F5: variants seen among roughly 807,000 people sequenced by gnomAD.
F5 encodes the protein activated protein c cofactor.
F5 carries 138 observed loss-of-function variants against 216.4 expected under a neutral mutation model. The ratio of observed to expected loss-of-function variants is 0.64; its 90% CI spans 0.56 to 0.73. The LOEUF is 0.73. Ranked by LOEUF, F5 falls within the 30% of genes least tolerant of loss-of-function variation. F5 has a pLI of 0.00. For missense variants in F5, 2,403 were observed against 2,674.0 expected (o/e 0.90, Z 2.24); for synonymous variants, 916 against 930.7 (o/e 0.98, Z 0.29).
chr1:169,578,183 C>A (rs933933125), intron 2 of F5, among the ~76,000 whole-genome samples: 4 of 152,144 alleles, frequency 2.6e-5, no homozygotes, highest in African/African-American at 9.7e-5. Context: ...CATAGTTAAG[C>A]AACTTTGGAC....
At chr1:169,570,552 A>T (rs542252741) in intron 3 of F5, among the ~76,000 whole-genome samples, 120 of 152,222 alleles carry the variant, frequency 7.9e-4, no homozygotes, top group African/African-American at 2.7e-3. Context: ...GCCACAGTTA[A>T]TGCTTCATTG....
chr1:169,568,706 G>A (rs921624660), intron 3 of F5, among the ~76,000 whole-genome samples: 1 of 152,026 alleles, frequency 6.6e-6, no homozygotes, highest in South Asian at 2.1e-4. Flanking sequence ...CTGCTCAGTC[G>A]ATAGTCAGCT....
intron 4 of F5, among the ~76,000 whole-genome samples, chr1:169,559,691 G>A (rs566248554): frequency 6.6e-6 from 1 of 152,234 alleles, no homozygotes; most frequent in Non-Finnish European, 1.5e-5. Flanking sequence ...ATGAAAGGGG[G>A]CATTAGATAA....
chr1:169,578,837 C>G (rs1307029571), intron 2 of F5, among the ~76,000 whole-genome samples: 1 of 152,142 alleles, frequency 6.6e-6, no homozygotes, highest in Non-Finnish European at 1.5e-5. Flanking sequence ...GCCATTCTAC[C>G]TAAGGCCAAG....
intron 17 of F5, among the ~76,000 whole-genome samples, chr1:169,526,500 C>T (rs1052799889): frequency 2.0e-5 from 3 of 152,088 alleles, no homozygotes; most frequent in African/African-American, 7.2e-5. Context: ...ATAAATTGCT[C>T]AGAAAAAACA....
intron 10 of F5, among the ~76,000 whole-genome samples, chr1:169,548,385 C>G (rs547128479): frequency 1.3e-4 from 19 of 151,930 alleles, no homozygotes; most frequent in East Asian, 3.9e-4. Context: ...GTGCTGTATT[C>G]AGTCATTAAC....
chr1:169,536,735 T>G (rs899161949), intron 13 of F5, 55 bp from the exon 14 acceptor site: 42 of 1,441,968 alleles, frequency 2.9e-5, no homozygotes, highest in African/African-American at 5.6e-5. Flanking sequence ...GTTCCCAGAA[T>G]TTAGGAAATT....
chr1:169,559,310 GAC>G lies in F5; in HGVS notation c.587-16_587-15del, dbSNP rs769198268. ...CAGTTAGGGTCCCTATGAAAGGAAA[GAC>G]ATGTTTTCAGTAGCACTGCAGATAG... On this transcript the variant is annotated splice_polypyrimidine_tract_variant and intron_variant, in intron 4 of 24. Coordinates refer to ENST00000367797, the MANE Select transcript of F5 (RefSeq NM_000130.5). The G allele has an allele frequency of 6.2e-6, 10 of 1,613,208 alleles. No individual in the cohort carries two copies. The African/African-American group carries it at 1.2e-4, about 19-fold the overall frequency.
At position 169,527,896 on chromosome 1, in the gene F5, C is replaced by T. The variant is rs1424342254; in HGVS notation, c.5599+19G>A. The stretch of plus-strand genomic sequence containing the variant: ...CTGTATTTCTTAGCAGGGACCTCTT[C>T]CCATTACCCAATCTTTACCAGGCAG... On this transcript the variant is annotated intron_variant, in intron 17 of 24. Coordinates refer to ENST00000367797, the MANE Select transcript of F5 (RefSeq NM_000130.5). The T allele has an allele frequency of 6.2e-7, 1 of 1,612,492 alleles. No individual in the cohort carries two copies. Among genetic ancestry groups the T allele is most frequent in the Non-Finnish European group, 8.5e-7 (1 of 1,179,550 alleles).
chr1:169,549,524 G>T lies in F5; in HGVS notation c.1611+277C>A, dbSNP rs376456828. ...GAAATTAGGAAAGGCTAATCAACTT[G>T]CTCAACACATCCAATACCAACAGAC... On this transcript the variant is annotated intron_variant, in intron 10 of 24. Coordinates refer to ENST00000367797, the MANE Select transcript of F5 (RefSeq NM_000130.5). 3.9e-5 allele frequency among the ~76,000 whole-genome samples: 6 copies of T among 152,046 alleles called. No individual in the cohort carries two copies. The East Asian group carries it at 7.7e-4, about 20-fold the overall frequency.
At chr1:169,571,712 T>A (rs542283238) in intron 3 of F5, among the ~76,000 whole-genome samples, 1 of 152,252 alleles carries the variant, frequency 6.6e-6, no homozygotes, top group East Asian at 1.9e-4. Context: ...TACTCTGGTG[T>A]ATGACTTGAG....
At chr1:169,523,749 T>C (rs1265088614) in intron 20 of F5, 52 bp downstream of exon 20, 1 of 1,435,310 alleles carries the variant, frequency 7.0e-7, no homozygotes, top group African/African-American at 1.4e-5. Context: ...TAAATCACTT[T>C]CATTTTTATT....
intron 7 of F5, 45 bp downstream of exon 7, chr1:169,555,137 T>C (rs1279323220): frequency 1.2e-6 from 2 of 1,609,634 alleles, no homozygotes; most frequent in South Asian, 1.1e-5. Flanking sequence ...CCCTATGGAA[T>C]GTGTCTTGAA....
chr1:169,559,787 G>T (rs1036497082), intron 4 of F5, among the ~76,000 whole-genome samples: 1 of 152,124 alleles, frequency 6.6e-6, no homozygotes, highest in African/African-American at 2.4e-5. Context: ...TCTTTTGTAA[G>T]TTTTAAGGTT....
At chr1:169,556,556 G>T in intron 6 of F5, 90 bp downstream of exon 6, 1 of 1,249,300 alleles carries the variant, frequency 8.0e-7, no homozygotes. Context: ...GGTGCAGGTG[G>T]CTTGAAAGGG....
Position 169,529,782 on chromosome 1 carries a change from G to A in F5, c.5245C>T (p.Leu1749=). The A allele has an allele frequency of 6.2e-7, 1 of 1,613,582 alleles. No homozygotes were observed. Among genetic ancestry groups the A allele is most frequent in the South Asian group, 1.1e-5 (1 of 91,072 alleles). Residue 1749 remains leucine (L), a synonymous_variant, in exon 16 of 25, where the codon CTA becomes TTA. Transcript: ENST00000367797. ...DIHSGLIGPL[L]ICQKGILHKD... ...TGTAGTATTCCTTTTTGGCAGATTA[G>A]GAGGGGACCTATCAAGCCTGAGTGA...
intron 10 of F5, among the ~76,000 whole-genome samples, chr1:169,548,295 C>T (rs1259957086): frequency 6.6e-6 from 1 of 151,968 alleles, no homozygotes; most frequent in Non-Finnish European, 1.5e-5. Flanking sequence ...CTCCATGACA[C>T]ATGTTTACCT....
rs1001647624 is a variant in F5, at chr1:169,514,238, C to A, written c.*75G>T. 1.1e-5 allele frequency: 16 copies of A among 1,415,628 alleles called. No individual in the cohort carries two copies. Among genetic ancestry groups the A allele is most frequent in the Non-Finnish European group, 1.5e-5 (15 of 1,000,776 alleles). The allele number at this position is 1,415,628 out of a possible 1,614,324, so 87.7% of individuals were successfully genotyped here. A position where few individuals can be genotyped will look rare whatever the true frequency, so the allele number is the denominator to read the frequency against. On this transcript the variant is annotated 3_prime_UTR_variant, in exon 25 of 25. Transcript: ENST00000367797. Reference sequence around the variant, plus strand: ...GGAAAACTGTTAACATTTAACACAGCGTAAAATACATTGCCCATTCTAAAT... The same window carrying A: ...GGAAAACTGTTAACATTTAACACAGAGTAAAATACATTGCCCATTCTAAAT...
At chr1:169,565,220 A>AT (rs1391118359) in intron 3 of F5, among the ~76,000 whole-genome samples, 3 of 151,886 alleles carry the variant, frequency 2.0e-5, no homozygotes, top group Non-Finnish European at 4.4e-5. Flanking sequence ...TCTGATACAC[A>AT]TTTTTTTCTT....
Sources: allele counts gnomAD v4.1 joint callset (sites outside exome capture counted in the v4.1 genomes callset), GRCh38; gene constraint gnomAD v4.1.1; transcripts MANE v1.5; gene names NCBI Gene and HGNC (gene_info 2026-07-23, HGNC 2026-07-21).